Variants in CHIA observed in about 807,000 individuals in gnomAD.
CHIA encodes the protein chitinase acidic, also known as acidic mammalian chitinase.
In CHIA, 47 loss-of-function variants were observed where a neutral mutation model predicts 53.5. That is an observed-to-expected ratio of 0.88 (90% CI 0.70 to 1.12). The LOEUF (loss-of-function observed/expected upper bound fraction) is 1.12. Ranked by LOEUF, CHIA falls within the 50% of genes most tolerant of loss-of-function variation. CHIA has a pLI of 0.00. For missense variants in CHIA, 652 were observed against 592.2 expected, an observed-to-expected ratio of 1.10 and a Z score of -1.05; for synonymous variants, 268 against 222.2, an observed-to-expected ratio of 1.21 and a Z score of -1.83.
Position 111,310,402 on chromosome 1 carries a change from G to A in CHIA, c.-66G>A, listed in dbSNP as rs1648565145. The stretch of plus-strand genomic sequence containing the variant: ...GGGTCAAATTGTTCTCTATTTAGAA[G>A]CCTTTGTGATAACCACAGAATCAGA... On this transcript the variant is annotated splice_region_variant and 5_prime_UTR_variant, in exon 2 of 12. Coordinates refer to ENST00000369740, the MANE Select transcript of CHIA (RefSeq NM_201653.4). 1.2e-6 allele frequency: 2 copies of A among 1,607,976 alleles called. No individual in the cohort carries two copies. The highest frequency in any genetic ancestry group is 1.7e-5 in the Admixed American group (1 of 58,540).
At chr1:111,297,508 C>T (rs6669614) in intron 1 of CHIA, among the ~76,000 whole-genome samples, 42,278 of 151,916 alleles carry the variant, frequency 0.28, 6,173 homozygotes, top group East Asian at 0.36. Context: ...TAAAATCCTT[C>T]ACAGACAAGC....
intron 6 of CHIA, 98 bp from the exon 7 acceptor site, chr1:111,317,583 A>T: frequency 7.4e-7 from 1 of 1,355,562 alleles, no homozygotes; most frequent in Non-Finnish European, 1.0e-6. Context: ...AAAGCAATTT[A>T]AGAGAGAGAA....
intron 1 of CHIA, among the ~76,000 whole-genome samples, chr1:111,292,663 A>T (rs1661097836): frequency 6.6e-6 from 1 of 152,166 alleles, no homozygotes; most frequent in African/African-American, 2.4e-5. Flanking sequence ...AATGTTCTTG[A>T]GCCATCTCTC....
At position 111,319,310 on chromosome 1, in the gene CHIA, C is replaced by T; in HGVS notation, c.1036-17C>T. The stretch of plus-strand genomic sequence containing the variant: ...CAGGAAAGCAAGTGATTCCTGTTAT[C>T]CTCTTTCTTTAAACAGGCTCAATGG... On this transcript the variant is annotated splice_polypyrimidine_tract_variant and intron_variant, in intron 10 of 11. Coordinates refer to ENST00000369740, the MANE Select transcript of CHIA (RefSeq NM_201653.4). The T allele has an allele frequency of 6.2e-7, 1 of 1,614,160 alleles. No homozygotes were observed.
At position 111,319,155 on chromosome 1, in the gene CHIA, A is replaced by T; in HGVS notation, c.951A>T (p.Gly317=). ...CTFLKNGATQ[G]WDAPQEVPYA... is the part of the protein sequence containing the mutation. Reference sequence around the variant, plus strand: ...TCCTGAAAAATGGAGCCACTCAGGGATGGGATGCCCCTCAGGAAGTGCCTT... The same window carrying T: ...TCCTGAAAAATGGAGCCACTCAGGGTTGGGATGCCCCTCAGGAAGTGCCTT... The change falls in exon 10 of 12, where the codon GGA becomes GGT. Residue 317 remains glycine (G), a synonymous_variant. Transcript: ENST00000369740. 6.2e-7 allele frequency: 1 copy of T among 1,614,092 alleles called. No homozygotes were observed. Among genetic ancestry groups the T allele is most frequent in the Non-Finnish European group, 8.5e-7 (1 of 1,180,004 alleles).
chr1:111,315,589 A>T, intron 6 of CHIA, 154 bp downstream of exon 6: 2 of 759,634 alleles, frequency 2.6e-6, no homozygotes, highest in South Asian at 3.7e-5. Context: ...TTCATTAAAC[A>T]AACATTTAAT....
chr1:111,299,771 T>C (rs766544729), intron 1 of CHIA, among the ~76,000 whole-genome samples: 2 of 151,828 alleles, frequency 1.3e-5, no homozygotes, highest in Admixed American at 1.3e-4. Context: ...ATAAAGGGTA[T>C]TCAATTAGGA....
chr1:111,306,699 A>G (rs1648214223), intron 1 of CHIA, among the ~76,000 whole-genome samples: 1 of 152,230 alleles, frequency 6.6e-6, no homozygotes, highest in African/African-American at 2.4e-5. Context: ...AATGCACGTA[A>G]CTGAAAAATA....
chr1:111,315,197 T>A, intron 5 of CHIA, 73 bp from the exon 6 acceptor site: 1 of 1,139,736 alleles, frequency 8.8e-7, no homozygotes, highest in Non-Finnish European at 1.3e-6. Context: ...GAGGCAGGAA[T>A]TGAGAGCTTG....
intron 6 of CHIA, chr1:111,315,861 C>A (rs72693264): frequency 4.4e-6 from 2 of 456,062 alleles, no homozygotes; most frequent in Non-Finnish European, 8.8e-6. Context: ...CTAGGCTGCC[C>A]GTTATTACTG....
intron 1 of CHIA, among the ~76,000 whole-genome samples, chr1:111,301,056 A>C (rs527333090): frequency 1.4e-4 from 22 of 152,288 alleles, no homozygotes; most frequent in African/African-American, 4.8e-4. Context: ...GTTAGAATGG[A>C]GATCATTAAA....
rs1257948870 is a variant in CHIA, at chr1:111,315,274, A to G, written c.319A>G (p.Thr107Ala). ...CCTTCTTTGGGTCTCCCTCAGTTTC[A>G]CTGCCATGGTTTCTACTCCTGAGAA... Reference protein sequence around the residue: ...GGWNFGTAPFTAMVSTPENRQ... With the variant: ...GGWNFGTAPFAAMVSTPENRQ... The change falls in exon 6 of 12, where the codon ACT becomes GCT. Residue 107 changes from threonine to alanine, a missense_variant. By Grantham distance (58) the Thr-to-Ala change is moderately conservative. Coordinates refer to ENST00000369740, the MANE Select transcript of CHIA (RefSeq NM_201653.4). 1 of 1,611,610 alleles carries G rather than the reference A, an allele frequency of 6.2e-7. No individual in the cohort carries two copies. The highest frequency in any genetic ancestry group is 1.1e-5 in the South Asian group (1 of 90,940).
intron 1 of CHIA, among the ~76,000 whole-genome samples, chr1:111,298,388 A>G (rs1647393126): frequency 6.6e-6 from 1 of 152,206 alleles, no homozygotes; most frequent in Non-Finnish European, 1.5e-5. Context: ...AATCACAACA[A>G]ACTGTCTCTA....
intron 1 of CHIA, among the ~76,000 whole-genome samples, chr1:111,306,659 AT>A (rs1471928652): frequency 1.3e-5 from 2 of 152,258 alleles, no homozygotes; most frequent in Non-Finnish European, 2.9e-5. Context: ...GAGTGAAAAA[AT>A]AACCCATAAA....
intron 3 of CHIA, 148 bp from the exon 4 acceptor site, chr1:111,312,042 C>A: frequency 1.5e-6 from 1 of 654,970 alleles, no homozygotes; most frequent in Non-Finnish European, 2.7e-6. Context: ...TCTTAGGATG[C>A]ATTTGCAAGA....
intron 1 of CHIA, among the ~76,000 whole-genome samples, chr1:111,299,747 G>A (rs900836851): frequency 1.3e-5 from 2 of 152,132 alleles, no homozygotes; most frequent in Non-Finnish European, 2.9e-5. Flanking sequence ...AGGGCAATCA[G>A]GCAAGAGAAA....
intron 1 of CHIA, among the ~76,000 whole-genome samples, chr1:111,305,209 G>GT (rs1648082682): frequency 6.6e-6 from 1 of 152,294 alleles, no homozygotes; most frequent in Non-Finnish European, 1.5e-5. Context: ...ATATACAGTT[G>GT]TTTTTTAATG....
At chr1:111,294,824 G>A (rs915277409) in intron 1 of CHIA, among the ~76,000 whole-genome samples, 4 of 151,946 alleles carry the variant, frequency 2.6e-5, no homozygotes, top group Admixed American at 2.6e-4. Context: ...CTTTTAATGT[G>A]GTGTATTACA....
chr1:111,306,859 A>G (rs1054043164), intron 1 of CHIA, among the ~76,000 whole-genome samples: 1 of 152,228 alleles, frequency 6.6e-6, no homozygotes, highest in Non-Finnish European at 1.5e-5. Context: ...CAACCACATC[A>G]GTAATTTGAT....
Sources: allele counts gnomAD v4.1 joint callset (sites outside exome capture counted in the v4.1 genomes callset), GRCh38; gene constraint gnomAD v4.1.1; transcripts MANE v1.5; gene names NCBI Gene and HGNC (gene_info 2026-07-23, HGNC 2026-07-21).